Variants in TNRC6C observed in about 807,000 individuals in gnomAD.
TNRC6C encodes trinucleotide repeat-containing gene 6C protein.
In TNRC6C, 20 loss-of-function variants were observed where a neutral mutation model predicts 153.7. That is an observed-to-expected ratio of 0.13 (90% CI 0.09 to 0.19). TNRC6C has a LOEUF of 0.19. Among genes scored for constraint, TNRC6C ranks in the 10% least tolerant of loss-of-function variants. The pLI, the probability that TNRC6C is intolerant of heterozygous loss-of-function variation, is 1.00. For missense variants in TNRC6C, 1,987 were observed against 2,172.0 expected (o/e 0.91, Z 1.69); for synonymous variants, 811 against 841.4 (o/e 0.96, Z 0.63).
upstream of TNRC6C, among the ~76,000 whole-genome samples, chr17:78,002,525 T>A (rs2071428309): frequency 6.6e-6 from 1 of 152,250 alleles, no homozygotes. Flanking sequence ...TTTGTTTTAC[T>A]GATTTTTGTA....
chr17:77,992,497 C>CAAA (rs1333860215), intron 1 of TNRC6C, among the ~76,000 whole-genome samples: 2 of 29,496 alleles, frequency 6.8e-5, no homozygotes, highest in Non-Finnish European at 1.0e-4. Context: ...GACTCCGTCT[C>CAAA]AAAAAAAAAA....
chr17:78,050,893 G>A (rs1208430387), exon 3 of TNRC6C: 2 of 1,613,764 alleles, frequency 1.2e-6, no homozygotes, highest in Non-Finnish European at 1.7e-6. Flanking sequence ...ACACTTGGGG[G>A]ATGGGAAAAA....
chr17:78,004,007 T>G (rs1380624635), upstream of TNRC6C: 1 of 657,838 alleles, frequency 1.5e-6, no homozygotes, highest in East Asian at 1.4e-4. Flanking sequence ...CAGGGCAACC[T>G]GCAGTGCTGT....
exon 20 of TNRC6C, chr17:78,105,348 G>T (rs1333824974): frequency 6.5e-6 from 1 of 152,900 alleles, no homozygotes. Flanking sequence ...GAGCTGAGCG[G>T]AAGGCGCGGG....
chr17:78,034,302 C>T (rs924702961), intron 2 of TNRC6C, among the ~76,000 whole-genome samples: 10 of 152,222 alleles, frequency 6.6e-5, no homozygotes, highest in Non-Finnish European at 1.3e-4. Flanking sequence ...GGTGATCCGC[C>T]TGCCTCAGCC....
chr17:78,073,799 A>G (rs2073039105), intron 7 of TNRC6C, among the ~76,000 whole-genome samples: 1 of 152,176 alleles, frequency 6.6e-6, no homozygotes, highest in South Asian at 2.1e-4. Context: ...TTAGCCAAGA[A>G]GGGTGTAACA....
intron 5 of TNRC6C, among the ~76,000 whole-genome samples, chr17:78,069,390 G>A (rs142804453): frequency 2.2e-4 from 34 of 152,056 alleles, no homozygotes; most frequent in Admixed American, 8.5e-4. Context: ...GAAAGCCAGC[G>A]TTTTGATTTT....
intron 13 of TNRC6C, 33 bp from the exon 16 acceptor site, chr17:78,091,407 G>A (rs763586372): frequency 2.0e-6 from 3 of 1,535,044 alleles, no homozygotes; most frequent in South Asian, 2.5e-5. Flanking sequence ...ATTTAGAGGA[G>A]CAGGCGAATC....
chr17:78,050,168 C>T, exon 3 of TNRC6C: 1 of 1,565,596 alleles, frequency 6.4e-7, no homozygotes, highest in Non-Finnish European at 8.6e-7. Flanking sequence ...CCTAGTGTCA[C>T]CAGCCAGAAC....
chr17:78,094,623 A>G (rs1221633707), intron 16 of TNRC6C, among the ~76,000 whole-genome samples: 1 of 151,910 alleles, frequency 6.6e-6, no homozygotes, highest in South Asian at 2.1e-4. Context: ...TATTTTTAGT[A>G]GAGATGGGGT....
intron 2 of TNRC6C, among the ~76,000 whole-genome samples, chr17:78,033,395 C>T (rs2072111761): frequency 6.6e-6 from 1 of 152,130 alleles, no homozygotes; most frequent in African/African-American, 2.4e-5. Flanking sequence ...GTAGGCTGGG[C>T]ACAGTGGCTC....
At chr17:77,963,772 T>C (rs2070878111) in intron 1 of TNRC6C, among the ~76,000 whole-genome samples, 1 of 152,228 alleles carries the variant, frequency 6.6e-6, no homozygotes, top group African/African-American at 2.4e-5. Context: ...ATATTCTCTG[T>C]GTCTCTCTGA....
intron 2 of TNRC6C, among the ~76,000 whole-genome samples, 156 bp from the exon 5 acceptor site, chr17:78,048,689 A>G (rs760936133): frequency 1.3e-5 from 2 of 152,260 alleles, no homozygotes; most frequent in Non-Finnish European, 2.9e-5. Flanking sequence ...ATCTATTAAG[A>G]AGACAAATAG....
chr17:78,071,231 C>T, intron 6 of TNRC6C, 66 bp downstream of exon 8: 1 of 1,475,432 alleles, frequency 6.8e-7, no homozygotes, highest in Non-Finnish European at 9.3e-7. Flanking sequence ...TCATTGTTTC[C>T]TCTCCATGTT....
At chr17:77,976,551 ATCGCTGAAG>A (rs2070999865) in intron 1 of TNRC6C, among the ~76,000 whole-genome samples, 1 of 152,204 alleles carries the variant, frequency 6.6e-6, no homozygotes, top group South Asian at 2.1e-4. Context: ...TGGATTCTTC[ATCGCTGAAG>A]TCAGCTATTC....
At chr17:78,029,143 T>G (rs2072006522) in intron 1 of TNRC6C, among the ~76,000 whole-genome samples, 1 of 152,226 alleles carries the variant, frequency 6.6e-6, no homozygotes, top group Non-Finnish European at 1.5e-5. Context: ...TAGGCCCAAC[T>G]GCATTCTTTC....
intron 3 of TNRC6C, among the ~76,000 whole-genome samples, chr17:78,057,098 A>T (rs1431351803): frequency 6.6e-6 from 1 of 152,190 alleles, no homozygotes; most frequent in East Asian, 1.9e-4. Context: ...AAAGTTACAC[A>T]AATTTTTTTC....
intron 14 of TNRC6C, among the ~76,000 whole-genome samples, chr17:78,092,016 G>A (rs1425890365): frequency 6.6e-6 from 1 of 152,114 alleles, no homozygotes; most frequent in Non-Finnish European, 1.5e-5. Context: ...ATTTCTGTTG[G>A]TTATTCCCCT....
At chr17:78,033,308 A>G (rs2072110349) in intron 2 of TNRC6C, among the ~76,000 whole-genome samples, 1 of 152,254 alleles carries the variant, frequency 6.6e-6, no homozygotes, top group Non-Finnish European at 1.5e-5. Context: ...ATATTCCCTC[A>G]TTAAATATTT....
Sources: allele counts gnomAD v4.1 joint callset (sites outside exome capture counted in the v4.1 genomes callset), GRCh38; gene constraint gnomAD v4.1.1; transcripts MANE v1.5; gene names NCBI Gene and HGNC (gene_info 2026-07-23, HGNC 2026-07-21).